HDAC9: variants seen among roughly 807,000 people sequenced by gnomAD.
HDAC9 encodes the protein MEF-2 interacting transcription repressor (MITR) protein.
Under a neutral mutation model 139.4 loss-of-function variants are expected in HDAC9, and 41 were observed. The observed-to-expected ratio is 0.29, with a 90% CI of 0.23 to 0.38. HDAC9 has a LOEUF of 0.38. Ranked by LOEUF, HDAC9 falls within the 10% of genes least tolerant of loss-of-function variation. The probability of loss-of-function intolerance (pLI) is 1.00; values close to 1 mark genes in which losing one functional copy is unlikely to be tolerated. For missense variants in HDAC9, 1,147 were observed against 1,297.0 expected, an observed-to-expected ratio of 0.88 and a Z score of 1.78; for synonymous variants, 517 against 476.2, an observed-to-expected ratio of 1.09 and a Z score of -1.12.
chr7:18,951,144 G>A lies in HDAC9; in HGVS notation c.2938-3002G>A, dbSNP rs1275218649. On this transcript the variant is annotated intron_variant, in intron 23 of 25. Transcript: ENST00000686413. ...TTAGGCAACTAAAATGATTTTTGAC[G>A]ATTTAAATGATCTGATTCTAAAGAA... Among the ~76,000 whole-genome samples the A allele has an allele frequency of 7.9e-5, 12 of 151,962 alleles. No individual in the cohort carries two copies. The East Asian group carries it at 9.7e-4, about 12-fold the overall frequency.
chr7:18,806,114 G>C (rs1793683184), intron 17 of HDAC9, among the ~76,000 whole-genome samples: 1 of 145,726 alleles, frequency 6.9e-6, no homozygotes, highest in Admixed American at 6.9e-5. Context: ...TAACTGAAAA[G>C]CTGTGGAATA....
chr7:18,261,117 A>G (rs1173645410), intron 2 of HDAC9, among the ~76,000 whole-genome samples: 2 of 151,266 alleles, frequency 1.3e-5, no homozygotes, highest in East Asian at 3.9e-4. Context: ...AGCCCGGGCA[A>G]CATAACGAAA....
At chr7:18,846,277 A>T (rs924077550) in intron 21 of HDAC9, among the ~76,000 whole-genome samples, 20 of 152,146 alleles carry the variant, frequency 1.3e-4, no homozygotes, top group African/African-American at 4.8e-4. Flanking sequence ...GTTCCCTAGC[A>T]GTTCCTTGCC....
At chr7:18,692,153 C>G (rs1782717129) in intron 12 of HDAC9, among the ~76,000 whole-genome samples, 1 of 152,116 alleles carries the variant, frequency 6.6e-6, no homozygotes, top group South Asian at 2.1e-4. Flanking sequence ...TGAACCATTA[C>G]TCTTCTTAAG....
At position 18,651,718 on chromosome 7, in the gene HDAC9, A is replaced by G. The variant is rs192147071; in HGVS notation, c.1467+3035A>G. Among the ~76,000 whole-genome samples the G allele has an allele frequency of 2.0e-5, 3 of 152,280 alleles. No homozygotes were observed. The East Asian group carries it at 5.8e-4, about 29-fold the overall frequency. On this transcript the variant is annotated intron_variant, in intron 11 of 25. Transcript: ENST00000686413. ...TAATGTAACTGTTATTAATCATACA[A>G]AATAATTTACCTACTTGTTGCCTTA... is the stretch of plus-strand genomic sequence containing the variant.
At chr7:18,749,273 A>C in intron 14 of HDAC9, 135 bp downstream of exon 14, 1 of 964,806 alleles carries the variant, frequency 1.0e-6, no homozygotes, top group Non-Finnish European at 1.5e-6. Context: ...TCATAGATTC[A>C]GGTAGCACAG....
intron 21 of HDAC9, among the ~76,000 whole-genome samples, chr7:18,871,594 G>A (rs538623692): frequency 1.4e-4 from 22 of 152,078 alleles, no homozygotes; most frequent in Non-Finnish European, 2.9e-4. Context: ...TGTATTCTTT[G>A]TTTGCTAACT....
At chr7:18,140,244 A>G (rs561460272) in intron 1 of HDAC9, among the ~76,000 whole-genome samples, 1 of 152,288 alleles carries the variant, frequency 6.6e-6, no homozygotes, top group South Asian at 2.1e-4. Context: ...GTGACAGCAT[A>G]TTAATCTACT....
chr7:18,257,401 CCACACACACACACA>C (rs773964606), intron 2 of HDAC9, among the ~76,000 whole-genome samples: 5 of 130,860 alleles, frequency 3.8e-5, no homozygotes, highest in African/African-American at 1.2e-4. Context: ...TCTGTCTCTC[CCACACACACACACA>C]CACACACACA....
intron 1 of HDAC9, among the ~76,000 whole-genome samples, chr7:18,092,197 G>T (rs959972447): frequency 1.3e-5 from 2 of 152,016 alleles, no homozygotes; most frequent in African/African-American, 4.8e-5. Flanking sequence ...ATCAGCCTGG[G>T]CAACATGGCG....
At chr7:18,592,392 TGTG>T (rs1172708589) in intron 5 of HDAC9, among the ~76,000 whole-genome samples, 4 of 152,136 alleles carry the variant, frequency 2.6e-5, no homozygotes, top group South Asian at 2.1e-4. Flanking sequence ...ATATAGAGGA[TGTG>T]GTGATTTTAA....
chr7:18,657,056 C>G (rs1254636598), intron 11 of HDAC9, among the ~76,000 whole-genome samples: 1 of 152,006 alleles, frequency 6.6e-6, no homozygotes, highest in Non-Finnish European at 1.5e-5. Context: ...AACATTTTTT[C>G]ATATGGTGTT....
intron 24 of HDAC9, among the ~76,000 whole-genome samples, chr7:18,957,877 C>T (rs371815303): frequency 3.4e-4 from 52 of 152,152 alleles, no homozygotes; most frequent in South Asian, 2.9e-3. Context: ...CAGTTTGCAA[C>T]GACAGTATCA....
Position 18,197,770 on chromosome 7 carries a change from T to C in HDAC9, c.25+35421T>C, listed in dbSNP as rs1458002751. ...GTCCTTTTTCCCTAGCTTTAAGTGT[T>C]GTACTTCAGATATTTGAGATTTGTA... is the stretch of plus-strand genomic sequence containing the variant. On this transcript the variant is annotated intron_variant, in intron 2 of 12. Coordinates refer to the HDAC9 transcript ENST00000417496. 2.0e-5 allele frequency among the ~76,000 whole-genome samples: 3 copies of C among 152,310 alleles called. No individual in the cohort carries two copies. The East Asian group carries it at 5.8e-4, about 29-fold the overall frequency.
chr7:18,505,450 A>G (rs951670014), intron 2 of HDAC9, among the ~76,000 whole-genome samples: 1 of 152,220 alleles, frequency 6.6e-6, no homozygotes, highest in African/African-American at 2.4e-5. Flanking sequence ...CTCTAGCCAC[A>G]ATAAAGATCT....
At chr7:18,638,943 G>T (rs1413323369) in intron 8 of HDAC9, among the ~76,000 whole-genome samples, 1 of 152,048 alleles carries the variant, frequency 6.6e-6, no homozygotes, top group East Asian at 1.9e-4. Context: ...CTGTGGGCCT[G>T]TGGGTTCAAA....
At chr7:18,467,861 T>C (rs1295095739) in intron 1 of HDAC9, among the ~76,000 whole-genome samples, 1 of 152,198 alleles carries the variant, frequency 6.6e-6, no homozygotes, top group Non-Finnish European at 1.5e-5. Flanking sequence ...GGCCATCATA[T>C]ATATCCTTGC....
At chr7:18,293,737 ACTTCTTTGTGCAGTAATGTAATTT>A (rs1212443080) in intron 1 of HDAC9, among the ~76,000 whole-genome samples, 1 of 151,958 alleles carries the variant, frequency 6.6e-6, no homozygotes, top group Non-Finnish European at 1.5e-5. Context: ...GTCAGTGTCC[ACTTCTTTGTGCAGTAATGTAATTT>A]CTGGTGGGGT....
intron 1 of HDAC9, among the ~76,000 whole-genome samples, chr7:18,484,757 G>A (rs1173134993): frequency 4.0e-5 from 6 of 151,856 alleles, no homozygotes; most frequent in South Asian, 2.1e-4. Flanking sequence ...CTGAAATCAC[G>A]TGAGAAGATT....
Sources: gnomAD v4.1 joint callset for allele counts (sites outside exome capture counted in the v4.1 genomes callset) on GRCh38, gnomAD v4.1.1 for gene constraint, MANE v1.5 for transcripts, NCBI Gene and HGNC (gene_info 2026-07-23, HGNC 2026-07-21) for gene names.